The following TRIOBP variants were observed in gnomAD, a reference collection of about 807,000 sequenced individuals.
TRIOBP encodes the protein TRIO and F-actin binding protein, also known as TRIO and F-actin-binding protein.
A neutral mutation model predicts 238.8 loss-of-function variants in TRIOBP; 169 were observed. The observed-to-expected ratio is 0.71, with a 90% CI of 0.62 to 0.80. The LOEUF (loss-of-function observed/expected upper bound fraction) is 0.80, where lower values mean the gene tolerates loss of function less well. TRIOBP is among the 30% of genes least tolerant of loss of function. The pLI is 0.00. For synonymous variants in TRIOBP, 1,150 were observed against 1,274.4 expected (o/e 0.90, Z 2.08); for missense variants, 2,838 against 3,122.6 (o/e 0.91, Z 2.17).
At chr22:37,704,940 G>C (rs979213723) in intron 3 of TRIOBP, among the ~76,000 whole-genome samples, 2 of 151,732 alleles carry the variant, frequency 1.3e-5, no homozygotes, top group South Asian at 4.2e-4. Context: ...AGGCAGGATG[G>C]TGCACACCTG....
At chr22:37,747,151 C>G (rs1925325489) in intron 11 of TRIOBP, among the ~76,000 whole-genome samples, 1 of 151,860 alleles carries the variant, frequency 6.6e-6, no homozygotes, top group South Asian at 2.1e-4. Flanking sequence ...TTGAGCCTCA[C>G]AGCTGGGTTC....
intron 17 of TRIOBP, among the ~76,000 whole-genome samples, chr22:37,762,375 G>A (rs528595748): frequency 2.6e-5 from 4 of 152,258 alleles, no homozygotes; most frequent in South Asian, 2.1e-4. Flanking sequence ...ACCTTTGTCC[G>A]TTTTACTCAT....
At chr22:37,773,374 A>G (rs139376050) in intron 23 of TRIOBP, among the ~76,000 whole-genome samples, 1 of 152,212 alleles carries the variant, frequency 6.6e-6, no homozygotes, top group East Asian at 1.9e-4. Context: ...CCTCACCACC[A>G]TGCCCAGATA....
chr22:37,739,969 A>G (rs1924856989), intron 10 of TRIOBP, among the ~76,000 whole-genome samples: 1 of 152,192 alleles, frequency 6.6e-6, no homozygotes. Flanking sequence ...CACCTCATTC[A>G]TGCATTCTTT....
chr22:37,763,051 C>G (rs1240916822), intron 17 of TRIOBP, among the ~76,000 whole-genome samples: 1 of 152,148 alleles, frequency 6.6e-6, no homozygotes, highest in East Asian at 1.9e-4. Flanking sequence ...GCCCTAGGAG[C>G]CCCTGTTCGT....
intron 21 of TRIOBP, 33 bp downstream of exon 21, chr22:37,769,408 T>A: frequency 6.5e-7 from 1 of 1,548,454 alleles, no homozygotes; most frequent in Non-Finnish European, 8.7e-7. Context: ...GGCAGCCCAG[T>A]GGTTCTCGGG....
rs746465206 is a variant in TRIOBP, at chr22:37,723,404, G to A, written c.848G>A (p.Arg283Gln). 7.4e-6 allele frequency: 12 copies of A among 1,613,650 alleles called. No individual in the cohort carries two copies. The South Asian group carries it at 7.7e-5, about 10-fold the overall frequency. The change falls in exon 7 of 24, where the codon CGA (arginine) becomes CAA (glutamine). Residue 283 changes from arginine to glutamine, a missense_variant. By Grantham distance (43) the Arg-to-Gln change is conservative (BLOSUM62 1). Coordinates refer to ENST00000644935, the MANE Select transcript of TRIOBP (RefSeq NM_001039141.3). ...ATCCCCAGAGCCTCCTCTCCCCATCGAATCACCCAAAGGGACACCTCCAGG... is the reference window on the plus strand; with the variant it reads ...ATCCCCAGAGCCTCCTCTCCCCATCAAATCACCCAAAGGGACACCTCCAGG... Reference protein sequence around the residue: ...REIPRASSPHRITQRDTSRAS... With the variant: ...REIPRASSPHQITQRDTSRAS...
Position 37,765,833 on chromosome 22 carries a change from G to GC in TRIOBP, c.6472+16_6472+17insC, listed in dbSNP as rs575380344. On this transcript the variant is annotated intron_variant, in intron 18 of 23. Coordinates refer to ENST00000644935, the MANE Select transcript of TRIOBP (RefSeq NM_001039141.3). ...ACGGCCTCAGGTATGGACCCTGGGG[G>GC]GGGCACAGTGGGCTGGGCTCTGAGC... 1.1e-3 allele frequency: 1,695 copies of GC among 1,582,388 alleles called. 4 individuals are homozygous for GC. Among genetic ancestry groups the GC allele is most frequent in the Admixed American group, 1.5e-3 (87 of 57,330 alleles).
chr22:37,755,747 A>G, intron 15 of TRIOBP, 88 bp downstream of exon 15: 1 of 1,097,730 alleles, frequency 9.1e-7, no homozygotes, highest in Non-Finnish European at 1.4e-6. Flanking sequence ...TGAGGGCTGC[A>G]CCTTTCTGGG....
chr22:37,760,619 A>C (rs1424883831), intron 17 of TRIOBP, among the ~76,000 whole-genome samples: 4 of 152,244 alleles, frequency 2.6e-5, no homozygotes, highest in Admixed American at 6.5e-5. Flanking sequence ...TAACAACTAC[A>C]TCACAGAATT....
intron 19 of TRIOBP, 98 bp from the exon 20 acceptor site, chr22:37,768,930 C>T: frequency 6.4e-7 from 1 of 1,557,014 alleles, no homozygotes. Context: ...AGAGAGGGAA[C>T]CCCAGAGTCC....
chr22:37,708,547 G>C (rs1923072097), intron 3 of TRIOBP, among the ~76,000 whole-genome samples: 1 of 152,052 alleles, frequency 6.6e-6, no homozygotes, highest in Non-Finnish European at 1.5e-5. Flanking sequence ...GCGAGACTCT[G>C]TCTCAAAAAA....
chr22:37,740,957 A>G lies in TRIOBP; in HGVS notation c.5247A>G (p.Ser1749=), dbSNP rs1172498750. 25 of 1,565,494 alleles carry G rather than the reference A, an allele frequency of 1.6e-5. No homozygotes were observed. The Middle Eastern group carries it at 2.5e-3, about 156-fold the overall frequency. Reference sequence around the variant, plus strand: ...CGCTCAAGGGCCGACTGGTGACCTCATGGCGGATGCCCGGGGACCGGCCCA... The same window carrying G: ...CGCTCAAGGGCCGACTGGTGACCTCGTGGCGGATGCCCGGGGACCGGCCCA... The part of the protein sequence containing the change: ...GSPLKGRLVT[S]WRMPGDRPTL... The change falls in exon 11 of 24, where the codon TCA becomes TCG. Residue 1749 remains serine, a synonymous_variant. Transcript: ENST00000644935.
In TRIOBP at chr22:37,768,179, A is replaced by G; in HGVS notation, c.6575+3A>G. 6.2e-7 allele frequency: 1 copy of G among 1,609,906 alleles called. No individual in the cohort carries two copies. Among genetic ancestry groups the G allele is most frequent in the Non-Finnish European group, 8.5e-7 (1 of 1,177,868 alleles). ...GATGGCCTCCGGAAGCAGCACCAGT[A>G]AGATGATGCCGGGGCCCAACTGCCC... is the stretch of plus-strand genomic sequence containing the variant. On this transcript the variant is annotated splice_donor_region_variant and intron_variant, in intron 19 of 23. Transcript: ENST00000644935.
At position 37,724,561 on chromosome 22, in the gene TRIOBP, C is replaced by T; in HGVS notation, c.2005C>T (p.Gln669Ter). The T allele has an allele frequency of 6.2e-7, 1 of 1,600,598 alleles. No individual in the cohort carries two copies. Among genetic ancestry groups the T allele is most frequent in the Non-Finnish European group, 8.5e-7 (1 of 1,172,452 alleles). ...CTCCTCTCCTAACAGAACCATCCAACAAGAGAACCCCAGAACATCCTGTGC... is the reference window on the plus strand; with the variant it reads ...CTCCTCTCCTAACAGAACCATCCAATAAGAGAACCCCAGAACATCCTGTGC... ...RASSPNRTIQ[Q>*]ENPRTSCALR... The change falls in exon 7 of 24, where the codon CAA becomes TAA. Residue 669 changes from glutamine to a stop codon, truncating the protein, a stop_gained. Coordinates refer to ENST00000644935, the MANE Select transcript of TRIOBP (RefSeq NM_001039141.3). LOFTEE classifies it high-confidence loss of function.
chr22:37,760,496 C>T (rs1056641200), intron 17 of TRIOBP: 2 of 152,124 alleles, frequency 1.3e-5, no homozygotes, highest in Non-Finnish European at 2.9e-5. Flanking sequence ...CCCAAGAGCA[C>T]GCATAATACA....
At chr22:37,708,034 C>G (rs1410027333) in intron 3 of TRIOBP, among the ~76,000 whole-genome samples, 3 of 149,908 alleles carry the variant, frequency 2.0e-5, no homozygotes, top group East Asian at 4.0e-4. Context: ...ATCACGAGAT[C>G]AGGAGATCGA....
At chr22:37,758,630 C>G (rs1249304592) in intron 16 of TRIOBP, among the ~76,000 whole-genome samples, 1 of 151,826 alleles carries the variant, frequency 6.6e-6, no homozygotes, top group Admixed American at 6.6e-5. Flanking sequence ...GAGCCAAGAT[C>G]AAGCCACTGC....
rs1194775118 is a variant in TRIOBP at position 37,710,424 on chromosome 22, C to T, written c.115-3C>T. The T allele has an allele frequency of 5.6e-6, 9 of 1,613,304 alleles. No individual in the cohort carries two copies. The highest frequency in any genetic ancestry group is 3.3e-5 in the South Asian group (3 of 91,090). ...CTGTCTCCTCTCTCCAACCCTGGCC[C>T]AGGAGCTCAGGAGCCCTTCAGGTGC... On this transcript the variant is annotated splice_polypyrimidine_tract_variant and splice_region_variant and intron_variant, in intron 3 of 23. Transcript: ENST00000644935.
Sources: allele counts gnomAD v4.1 joint callset (sites outside exome capture counted in the v4.1 genomes callset), GRCh38; gene constraint gnomAD v4.1.1; transcripts MANE v1.5; gene names NCBI Gene and HGNC (gene_info 2026-07-23, HGNC 2026-07-21).